CAMK4: variants seen among roughly 807,000 people sequenced by gnomAD.
CAMK4 encodes the protein calcium/calmodulin-dependent protein kinase type IV.
A neutral mutation model predicts 44.9 loss-of-function variants in CAMK4; 22 were observed. The observed-to-expected ratio is 0.49, with a 90% CI of 0.35 to 0.70. CAMK4 has a LOEUF of 0.70. Ranked by LOEUF, CAMK4 falls within the 30% of genes least tolerant of loss-of-function variation. The pLI is 0.01. For missense variants in CAMK4, 498 were observed against 586.8 expected, an observed-to-expected ratio of 0.85 and a Z score of 1.56; for synonymous variants, 218 against 215.4, an observed-to-expected ratio of 1.01 and a Z score of -0.11.
intron 1 of CAMK4, among the ~76,000 whole-genome samples, chr5:111,268,073 C>A (rs775181998): frequency 3.3e-5 from 5 of 152,152 alleles, no homozygotes; most frequent in Admixed American, 6.5e-5. Flanking sequence ...CCAGTGTATT[C>A]ACTGTGAAGA....
intron 1 of CAMK4, among the ~76,000 whole-genome samples, chr5:111,283,809 G>A (rs1377935201): frequency 6.6e-6 from 1 of 152,154 alleles, no homozygotes; most frequent in African/African-American, 2.4e-5. Context: ...GAATTGATGA[G>A]CTAAAGTAGT....
rs1580669533 is a variant in CAMK4 at position 111,374,920 on chromosome 5, G to T, written c.303+8G>T. On this transcript the variant is annotated splice_region_variant and intron_variant, in intron 3 of 10. Coordinates refer to ENST00000282356, the MANE Select transcript of CAMK4 (RefSeq NM_001744.6). ...CTCTCACATCCAAACATTGTAAGTG[G>T]TTTTTAACCTACTATTTCAAATGAT... The T allele has an allele frequency of 6.3e-7, 1 of 1,590,144 alleles. No individual in the cohort carries two copies. The highest frequency in any genetic ancestry group is 8.6e-7 in the Non-Finnish European group (1 of 1,158,812).
At chr5:111,253,053 A>G (rs891938998) in intron 1 of CAMK4, among the ~76,000 whole-genome samples, 7 of 152,202 alleles carry the variant, frequency 4.6e-5, no homozygotes, top group African/African-American at 1.7e-4. Flanking sequence ...TTATCTACAG[A>G]GAACTTGTTT....
intron 1 of CAMK4, among the ~76,000 whole-genome samples, chr5:111,284,404 C>G (rs893489468): frequency 6.6e-6 from 1 of 152,198 alleles, no homozygotes; most frequent in African/African-American, 2.4e-5. Flanking sequence ...GTTATCTGGT[C>G]TCTGCATCAT....
chr5:111,345,783 T>C (rs1749838838), intron 2 of CAMK4, among the ~76,000 whole-genome samples: 1 of 151,996 alleles, frequency 6.6e-6, no homozygotes, highest in African/African-American at 2.4e-5. Context: ...GGTGGGTTCA[T>C]GACGTATATT....
chr5:111,331,092 C>G (rs2112721249), intron 1 of CAMK4, among the ~76,000 whole-genome samples: 3 of 151,668 alleles, frequency 2.0e-5, no homozygotes, highest in Admixed American at 2.0e-4. Flanking sequence ...AAAGCACTCA[C>G]TGTAAAAGAA....
chr5:111,369,842 G>A (rs754011056), intron 2 of CAMK4, among the ~76,000 whole-genome samples: 1 of 152,112 alleles, frequency 6.6e-6, no homozygotes, highest in Non-Finnish European at 1.5e-5. Context: ...TATGTAAACA[G>A]TTGTTATACT....
At chr5:111,372,711 A>G (rs1751056213) in intron 2 of CAMK4, among the ~76,000 whole-genome samples, 1 of 152,166 alleles carries the variant, frequency 6.6e-6, no homozygotes, top group Non-Finnish European at 1.5e-5. Flanking sequence ...TGATCAATAC[A>G]TGGTCTGAAT....
At chr5:111,438,137 G>A (rs915628150) in intron 5 of CAMK4, among the ~76,000 whole-genome samples, 5 of 152,122 alleles carry the variant, frequency 3.3e-5, no homozygotes, top group African/African-American at 7.2e-5. Flanking sequence ...GAGAGATTAC[G>A]TTTTCAGGTG....
chr5:111,460,038 G>T (rs537937221), intron 7 of CAMK4, among the ~76,000 whole-genome samples: 2 of 151,946 alleles, frequency 1.3e-5, no homozygotes, highest in Non-Finnish European at 2.9e-5. Context: ...AGGAAAAGAG[G>T]TCAAAAGGAA....
chr5:111,361,923 C>G (rs375651272), intron 2 of CAMK4, among the ~76,000 whole-genome samples: 1 of 151,980 alleles, frequency 6.6e-6, no homozygotes, highest in East Asian at 1.9e-4. Context: ...TAGATACTTT[C>G]TCTGACTGGG....
chr5:111,322,318 G>A (rs1164767095), intron 1 of CAMK4, among the ~76,000 whole-genome samples: 2 of 152,102 alleles, frequency 1.3e-5, no homozygotes, highest in African/African-American at 4.8e-5. Flanking sequence ...CCAGGGTGGA[G>A]AAACATTGCT....
chr5:111,259,408 A>G (rs1339233961), intron 1 of CAMK4, among the ~76,000 whole-genome samples: 1 of 152,252 alleles, frequency 6.6e-6, no homozygotes, highest in African/African-American at 2.4e-5. Flanking sequence ...ATAGAGAAGA[A>G]GAAATGATTT....
chr5:111,469,998 A>C (rs1755005423), intron 7 of CAMK4, among the ~76,000 whole-genome samples: 1 of 152,252 alleles, frequency 6.6e-6, no homozygotes, highest in Non-Finnish European at 1.5e-5. Context: ...AGACTGAATA[A>C]GATTCACTGA....
At position 111,332,772 on chromosome 5, in the gene CAMK4, A is replaced by G. The variant is rs1003593436; in HGVS notation, c.162-11252A>G. 4.6e-5 allele frequency among the ~76,000 whole-genome samples: 7 copies of G among 151,610 alleles called. No individual in the cohort carries two copies. In the East Asian group the frequency reaches 5.9e-4, roughly 13 times the overall value. ...ACAACATTGGTGCTTTTACTTCTCA[A>G]TTAAAAAGATTTCCCATAGACAGCA... On this transcript the variant is annotated intron_variant, in intron 1 of 10. Coordinates refer to ENST00000282356, the MANE Select transcript of CAMK4 (RefSeq NM_001744.6).
chr5:111,384,815 T>C (rs1252787811), intron 4 of CAMK4, among the ~76,000 whole-genome samples: 1 of 152,158 alleles, frequency 6.6e-6, no homozygotes, highest in East Asian at 1.9e-4. Flanking sequence ...CATCTGTATT[T>C]AAGCATAGAT....
At chr5:111,275,587 T>G (rs1427137757) in intron 1 of CAMK4, among the ~76,000 whole-genome samples, 1 of 152,116 alleles carries the variant, frequency 6.6e-6, no homozygotes, top group Admixed American at 6.6e-5. Context: ...GAAAATGTCT[T>G]TATTTTGCTT....
intron 1 of CAMK4, among the ~76,000 whole-genome samples, chr5:111,312,122 C>G (rs148953525): frequency 6.6e-6 from 1 of 152,218 alleles, no homozygotes; most frequent in East Asian, 1.9e-4. Flanking sequence ...AGAAATAACT[C>G]TATTTCATTG....
chr5:111,264,566 A>G (rs566634173), intron 1 of CAMK4, among the ~76,000 whole-genome samples: 122 of 152,196 alleles, frequency 8.0e-4, no homozygotes, highest in Non-Finnish European at 1.4e-3. Flanking sequence ...CACTAAATCT[A>G]TTGTCCATGT....
Sources: allele counts gnomAD v4.1 joint callset (sites outside exome capture counted in the v4.1 genomes callset), GRCh38; gene constraint gnomAD v4.1.1; transcripts MANE v1.5; gene names NCBI Gene and HGNC (gene_info 2026-07-23, HGNC 2026-07-21).